Variants in ZNF362 observed in about 807,000 individuals in gnomAD.
ZNF362 encodes zinc finger protein 362.
ZNF362 carries 11 observed loss-of-function variants against 42.9 expected under a neutral mutation model. That is an observed-to-expected ratio of 0.26 (90% confidence interval 0.16 to 0.42). The LOEUF is 0.42. ZNF362 is among the 20% of genes least tolerant of loss of function. ZNF362 has a pLI of 1.00. For synonymous variants in ZNF362, 255 were observed against 257.3 expected, an observed-to-expected ratio of 0.99 and a Z score of 0.09; for missense variants, 362 against 576.2, an observed-to-expected ratio of 0.63 and a Z score of 3.81.
chr1:33,177,038 TGC>T, the ZNF362 span, among the ~76,000 whole-genome samples: 1 of 60,404 alleles, frequency 1.7e-5, no homozygotes, highest in African/African-American at 8.0e-5. This position sits in a 1 kb window ranked among gnomAD's most constrained non-coding sequence, Gnocchi z 4.1. Context: ...CACATACACA[TGC>T]ACACACACAC....
At chr1:33,243,756 C>T in the ZNF362 span, among the ~76,000 whole-genome samples, 1 of 150,244 alleles carries the variant, frequency 6.7e-6, no homozygotes, top group African/African-American at 2.5e-5. Context: ...ACCACTACAA[C>T]TGGCCAATTT....
At chr1:33,170,431 G>A in the ZNF362 span, among the ~76,000 whole-genome samples, 340 of 152,152 alleles carry the variant, frequency 2.2e-3, 1 homozygote, top group Middle Eastern at 6.8e-3. Context: ...TAGATTATGG[G>A]CTCTTGAGGG....
the ZNF362 span, chr1:33,194,829 G>T: frequency 6.6e-6 from 1 of 151,890 alleles, no homozygotes; most frequent in African/African-American, 2.4e-5. Flanking sequence ...TCATAGAGGA[G>T]AAAATGAGAA....
chr1:33,136,596 C>T, the ZNF362 span, among the ~76,000 whole-genome samples: 1 of 151,340 alleles, frequency 6.6e-6, no homozygotes, highest in Admixed American at 6.6e-5. Flanking sequence ...TCTTGAACTC[C>T]TGGCCTCAAG....
the ZNF362 span, among the ~76,000 whole-genome samples, chr1:33,207,935 A>C: frequency 6.6e-6 from 1 of 152,200 alleles, no homozygotes; most frequent in Non-Finnish European, 1.5e-5. Context: ...TGCTGTGCAG[A>C]AGCTCTTTAG....
the ZNF362 span, among the ~76,000 whole-genome samples, chr1:33,212,432 A>G: frequency 1.1e-3 from 171 of 152,244 alleles, no homozygotes; most frequent in African/African-American, 3.7e-3. Flanking sequence ...ACTTCTAGGT[A>G]CCTATATTAG....
chr1:33,226,626 A>G, the ZNF362 span, among the ~76,000 whole-genome samples: 1 of 152,212 alleles, frequency 6.6e-6, no homozygotes, highest in South Asian at 2.1e-4. Context: ...GCATTTTGAG[A>G]GGCTGAGGTG....
the ZNF362 span, chr1:33,147,184 C>A: frequency 6.2e-7 from 1 of 1,613,240 alleles, no homozygotes; most frequent in Admixed American, 1.7e-5. This position sits in a 1 kb window ranked among gnomAD's most constrained non-coding sequence, Gnocchi z 8.1. Flanking sequence ...GGACTAGATG[C>A]GGACGGTGTT....
At chr1:33,182,933 A>G in the ZNF362 span, among the ~76,000 whole-genome samples, 3 of 152,150 alleles carry the variant, frequency 2.0e-5, no homozygotes, top group Non-Finnish European at 4.4e-5. Flanking sequence ...GGTTTCAGGA[A>G]GTCTTGGAGA....
At chr1:33,202,741 T>G in the ZNF362 span, among the ~76,000 whole-genome samples, 1 of 152,146 alleles carries the variant, frequency 6.6e-6, no homozygotes, top group East Asian at 1.9e-4. Context: ...TCTTAATTGA[T>G]GCAGAAAAAA....
the ZNF362 span, among the ~76,000 whole-genome samples, chr1:33,220,092 GAGCAGA>G: frequency 5.3e-5 from 8 of 152,142 alleles, no homozygotes; most frequent in Admixed American, 5.2e-4. Flanking sequence ...GAGCGCAGTG[GAGCAGA>G]AGGTGAGTGC....
At chr1:33,129,132 C>T in the ZNF362 span, among the ~76,000 whole-genome samples, 19 of 152,004 alleles carry the variant, frequency 1.2e-4, no homozygotes, top group Non-Finnish European at 5.9e-5. This position sits in a 1 kb window ranked among gnomAD's most constrained non-coding sequence, Gnocchi z 4.1. Flanking sequence ...TTCTGGGAAC[C>T]GGAGTATAGG....
upstream of ZNF362, among the ~76,000 whole-genome samples, chr1:33,251,906 T>C (rs1470459285): frequency 6.6e-6 from 1 of 152,232 alleles, no homozygotes; most frequent in Non-Finnish European, 1.5e-5. Flanking sequence ...CTCACCCATG[T>C]CCAGTCTATT....
At chr1:33,135,951 C>T in the ZNF362 span, among the ~76,000 whole-genome samples, 3,098 of 151,840 alleles carry the variant, frequency 0.02, 66 homozygotes, top group African/African-American at 0.046. Context: ...CCCACCCTGC[C>T]GGTAATGTAT....
In ZNF362 at chr1:33,300,004, A is replaced by G. The variant is rs958487961; in HGVS notation, c.*958A>G. ...CCCCAGCCGAGGCCCTAGGCCCCTC[A>G]GCAGGGAAGGGATCCCCGGGGAGGC... On this transcript the variant is annotated 3_prime_UTR_variant, in exon 9 of 9. Transcript: ENST00000539719. 2.0e-5 allele frequency: 3 copies of G among 152,566 alleles called. No individual in the cohort carries two copies. The highest frequency in any genetic ancestry group is 7.2e-5 in the African/African-American group (3 of 41,414). The allele number at this position is 152,566 out of a possible 1,614,324, so 9.5% of individuals were successfully genotyped here.
At chr1:33,158,983 G>C in the ZNF362 span, among the ~76,000 whole-genome samples, 12 of 152,188 alleles carry the variant, frequency 7.9e-5, no homozygotes, top group Non-Finnish European at 1.5e-4. Context: ...TGGGACTACA[G>C]GTGCCTGCCA....
intron 6 of ZNF362, among the ~76,000 whole-genome samples, chr1:33,286,831 T>G (rs1262779262): frequency 6.6e-6 from 1 of 152,102 alleles, no homozygotes; most frequent in Non-Finnish European, 1.5e-5. Flanking sequence ...GATCATATAA[T>G]CAAATCCATC....
the ZNF362 span, among the ~76,000 whole-genome samples, chr1:33,189,552 C>T: frequency 6.7e-6 from 1 of 149,416 alleles, no homozygotes; most frequent in Non-Finnish European, 1.5e-5. Context: ...AGTTGTTAAG[C>T]TGTTGCCTCT....
the ZNF362 span, among the ~76,000 whole-genome samples, chr1:33,250,738 G>A: frequency 6.7e-6 from 1 of 148,760 alleles, no homozygotes. Flanking sequence ...CCCTGGAACT[G>A]AAAAGTTGAA....
Sources: allele counts gnomAD v4.1 joint callset (sites outside exome capture counted in the v4.1 genomes callset), GRCh38; gene constraint gnomAD v4.1.1; non-coding constraint Gnocchi (gnomAD v3.1); transcripts MANE v1.5; gene names NCBI Gene and HGNC (gene_info 2026-07-23, HGNC 2026-07-21).